The following SHMT1 variants were observed in gnomAD, a reference collection of about 807,000 sequenced individuals.
The protein encoded by SHMT1 is serine hydroxymethyltransferase, cytosolic.
Under a neutral mutation model 49.0 loss-of-function variants are expected in SHMT1, and 45 were observed. That is an observed-to-expected ratio of 0.92 (90% CI 0.72 to 1.18). The LOEUF is 1.18. SHMT1 is among the 50% of genes most tolerant of loss of function. The probability of loss-of-function intolerance (pLI) is 0.00; values close to 1 mark genes in which losing one functional copy is unlikely to be tolerated. For missense variants in SHMT1, 541 were observed against 612.4 expected, an observed-to-expected ratio of 0.88 and a Z score of 1.23; for synonymous variants, 232 against 246.6, an observed-to-expected ratio of 0.94 and a Z score of 0.55.
chr17:18,333,789 T>C (rs1327927364), intron 8 of SHMT1, among the ~76,000 whole-genome samples: 4 of 151,954 alleles, frequency 2.6e-5, no homozygotes, highest in African/African-American at 7.3e-5. Flanking sequence ...TTTATTTTTA[T>C]ATTTTTTGAG....
intron 3 of SHMT1, among the ~76,000 whole-genome samples, chr17:18,353,277 A>C (rs1284048621): frequency 2.0e-5 from 3 of 152,220 alleles, no homozygotes; most frequent in Non-Finnish European, 4.4e-5. Flanking sequence ...TCAGTAATCC[A>C]GATTCAGCCT....
intron 1 of SHMT1, among the ~76,000 whole-genome samples, chr17:18,356,406 G>A (rs1042458288): frequency 6.6e-6 from 1 of 152,090 alleles, no homozygotes; most frequent in African/African-American, 2.4e-5. Flanking sequence ...CGTGATCTTG[G>A]CTCACTGCAA....
rs536114319 is a variant in SHMT1 at position 18,329,856 on chromosome 17, TTTTTTG to T, written c.1172-474_1172-469del. On this transcript the variant is annotated intron_variant, in intron 10 of 11. Coordinates refer to ENST00000316694, the MANE Select transcript of SHMT1 (RefSeq NM_004169.5). ...AGGTATGGTCCCTGCCCCCGCTCCA[TTTTTTG>T]TTTTTGTTTTTGTTTTTTTGAGACG... Among the ~76,000 whole-genome samples, 303 of 152,120 alleles carry T rather than the reference TTTTTTG, an allele frequency of 2.0e-3. 1 individual carries two copies. Among genetic ancestry groups the T allele is most frequent in the Middle Eastern group, 6.8e-3 (2 of 294 alleles).
chr17:18,330,747 G>A, intron 9 of SHMT1, 76 bp from the exon 10 acceptor site: 1 of 1,060,554 alleles, frequency 9.4e-7, no homozygotes, highest in Non-Finnish European at 1.5e-6. Context: ...ACGAAGGCGA[G>A]GATGAAGGCA....
In SHMT1 at chr17:18,327,969, G is replaced by C. The variant is rs1982745622; in HGVS notation, c.*781C>G. The C allele has an allele frequency of 1.3e-5, 2 of 152,574 alleles. No homozygotes were observed. Among genetic ancestry groups the C allele is most frequent in the South Asian group, 4.1e-4 (2 of 4,830 alleles). The allele number at this position is 152,574 out of a possible 1,614,324, so 9.5% of individuals were successfully genotyped here. A position where few individuals can be genotyped will look rare whatever the true frequency, so the allele number is the denominator to read the frequency against. On this transcript the variant is annotated 3_prime_UTR_variant, in exon 12 of 12. Transcript: ENST00000316694. The stretch of plus-strand genomic sequence containing the variant: ...GCTATAATTCTTGTAGACATTCTGT[G>C]GTTAAAAATTTGATTGTGCTTATTA...
chr17:18,347,074 G>A (rs1023955927), intron 5 of SHMT1, among the ~76,000 whole-genome samples: 1 of 152,216 alleles, frequency 6.6e-6, no homozygotes, highest in Non-Finnish European at 1.5e-5. Flanking sequence ...TGCCATGCCT[G>A]TAGCTACTGC....
At chr17:18,356,693 A>C (rs1986273120) in intron 1 of SHMT1, among the ~76,000 whole-genome samples, 1 of 152,182 alleles carries the variant, frequency 6.6e-6, no homozygotes, top group Non-Finnish European at 1.5e-5. Context: ...TTGATAAACT[A>C]ACACTTTTTT....
At chr17:18,329,252 G>A in intron 11 of SHMT1, 26 bp downstream of exon 11, 1 of 1,494,824 alleles carries the variant, frequency 6.7e-7, no homozygotes, top group Non-Finnish European at 9.3e-7. Context: ...AATAAGATGT[G>A]GCAACTTCCA....
chr17:18,340,094 T>G lies in SHMT1; in HGVS notation c.763A>C (p.Thr255Pro). ...CGGCAGCCTCGCAGGGTCTTGTGAG[T>G]GGTGGTGGTCACCACATGGCAGTGT... ...FEHCHVVTTT[T>P]HKTLRGCRAG... Residue 255 changes from threonine to proline, a missense_variant, in exon 7 of 12, where the codon ACT (threonine) becomes CCT (proline). Transcript: ENST00000316694. This position sits in a 1 kb window ranked among gnomAD's most constrained non-coding sequence, Gnocchi z 4.5. 1 of 1,613,978 alleles carries G rather than the reference T, an allele frequency of 6.2e-7. No homozygotes were observed. The highest frequency in any genetic ancestry group is 8.5e-7 in the Non-Finnish European group (1 of 1,179,994).
At chr17:18,334,103 T>TA (rs1983537117) in intron 8 of SHMT1, among the ~76,000 whole-genome samples, 2 of 152,064 alleles carry the variant, frequency 1.3e-5, no homozygotes, top group South Asian at 4.1e-4. Context: ...CACATCCAGC[T>TA]AATTTTTGTA....
rs750519537 is a variant in SHMT1, at chr17:18,340,299, G to A, written c.602-44C>T. ...CACAGCTGCATCAGAGATGTCCACC[G>A]GCCAGCTGAGTTGGCTTCACAGTGG... On this transcript the variant is annotated intron_variant, in intron 6 of 11. Coordinates refer to ENST00000316694, the MANE Select transcript of SHMT1 (RefSeq NM_004169.5). This position sits in a 1 kb window ranked among gnomAD's most constrained non-coding sequence, Gnocchi z 4.5. 41 of 1,598,368 alleles carry A rather than the reference G, an allele frequency of 2.6e-5. No homozygotes were observed. Among genetic ancestry groups the A allele is most frequent in the East Asian group, 1.3e-4 (6 of 44,820 alleles).
rs1982744659 is a variant in SHMT1 at position 18,327,961 on chromosome 17, C to A, written c.*789G>T. 1 of 152,530 alleles carries A rather than the reference C, an allele frequency of 6.6e-6. No individual in the cohort carries two copies. 9.4% of individuals were successfully genotyped at this position (152,530 alleles called of 1,614,324 possible). ...TTTTTAAAGCTATAATTCTTGTAGA[C>A]ATTCTGTGGTTAAAAATTTGATTGT... is the stretch of plus-strand genomic sequence containing the variant. On this transcript the variant is annotated 3_prime_UTR_variant, in exon 12 of 12. Coordinates refer to ENST00000316694, the MANE Select transcript of SHMT1 (RefSeq NM_004169.5).
rs1567765011 is a variant in SHMT1, at chr17:18,328,888, G to A, written c.1314C>T (p.Asp438=). 19 of 1,613,924 alleles carry A rather than the reference G, an allele frequency of 1.2e-5. No individual in the cohort carries two copies. Among genetic ancestry groups the A allele is most frequent in the Non-Finnish European group, 1.5e-5 (18 of 1,180,006 alleles). The change falls in exon 12 of 12, where the codon GAC becomes GAT. Residue 438 remains aspartate (D), a synonymous_variant. Transcript: ENST00000316694. ...GIELTLQIQS[D]TGVRATLKEF... Reference sequence around the variant, plus strand: ...CTTTCAGGGTGGCTCTGACACCAGTGTCGCTCTGGATCTGCAGGGTCAGCT... The same window carrying A: ...CTTTCAGGGTGGCTCTGACACCAGTATCGCTCTGGATCTGCAGGGTCAGCT...
chr17:18,330,616 A>G lies in SHMT1; in HGVS notation c.1110T>C (p.Gly370=). Residue 370 remains glycine, a synonymous_variant, in exon 10 of 12, where the codon GGT becomes GGC. Transcript: ENST00000316694. ...LVDLRSKGTD[G]GRAEKVLEAC... ...CTTCTAGCACCTTCTCAGCCCTTCC[A>G]CCATCTGTGCCTTTGGAACGGAGAT... 6.2e-7 allele frequency: 1 copy of G among 1,614,076 alleles called. No individual in the cohort carries two copies. Among genetic ancestry groups the G allele is most frequent in the East Asian group, 2.2e-5 (1 of 44,872 alleles).
At chr17:18,359,270 G>T (rs11867855) in intron 1 of SHMT1, among the ~76,000 whole-genome samples, 33,071 of 151,606 alleles carry the variant, frequency 0.22, 3,781 homozygotes, top group East Asian at 0.3. Flanking sequence ...CTGGTATGGT[G>T]GCTTATGCCT....
intron 1 of SHMT1, among the ~76,000 whole-genome samples, chr17:18,361,317 A>AAC (rs1555589400): frequency 2.7e-5 from 4 of 145,946 alleles, no homozygotes; most frequent in Non-Finnish European, 6.1e-5. Flanking sequence ...AAAAAAAAAC[A>AAC]AAAACAAAAA....
rs1015457378 is a variant in SHMT1, at chr17:18,347,794, C to G, written c.359-138G>C. 4 of 866,484 alleles carry G rather than the reference C, an allele frequency of 4.6e-6. No individual in the cohort carries two copies. In the African/African-American group the frequency reaches 6.6e-5, roughly 14 times the overall value. The allele number at this position is 866,484 out of a possible 1,614,324, so 53.7% of individuals were successfully genotyped here. A position where few individuals can be genotyped will look rare whatever the true frequency, so the allele number is the denominator to read the frequency against. On this transcript the variant is annotated intron_variant, in intron 4 of 11. Coordinates refer to ENST00000316694, the MANE Select transcript of SHMT1 (RefSeq NM_004169.5). ...CCTTCCCTGAGCTCCAGGAGGTGCCCCTTCACCACCAGCCTTGAGAGGTGA... is the reference window on the plus strand; with the variant it reads ...CCTTCCCTGAGCTCCAGGAGGTGCCGCTTCACCACCAGCCTTGAGAGGTGA...
rs1295938121 is a variant in SHMT1 at position 18,327,886 on chromosome 17, ATTAAT to A, written c.*859_*863del. 2.0e-5 allele frequency: 3 copies of A among 152,732 alleles called. No individual in the cohort carries two copies. Among genetic ancestry groups the A allele is most frequent in the African/African-American group, 7.2e-5 (3 of 41,566 alleles). 9.5% of individuals were successfully genotyped at this position (152,732 alleles called of 1,614,324 possible). ...GTATGAGAAGTGTACTTTTTAAGAAATTAATTTATTTGAGTTCAAATATTTTTGAA... is the reference window on the plus strand; with the variant it reads ...GTATGAGAAGTGTACTTTTTAAGAAATTATTTGAGTTCAAATATTTTTGAA... On this transcript the variant is annotated 3_prime_UTR_variant, in exon 12 of 12. Coordinates refer to ENST00000316694, the MANE Select transcript of SHMT1 (RefSeq NM_004169.5).
In SHMT1 at chr17:18,352,207, G is replaced by A. The variant is rs549940711; in HGVS notation, c.242+1465C>T. ...ATCGCCCAGGCTAGAGTGCAGTGGC[G>A]CGATCTCGGCTCACTGCAAGCTCTG... On this transcript the variant is annotated intron_variant, in intron 3 of 11. Transcript: ENST00000316694. Among the ~76,000 whole-genome samples the A allele has an allele frequency of 3.4e-5, 5 of 146,668 alleles. No individual in the cohort carries two copies. In the East Asian group the frequency reaches 6.0e-4, roughly 18 times the overall value.
Sources: gnomAD v4.1 joint callset for allele counts (sites outside exome capture counted in the v4.1 genomes callset) on GRCh38, gnomAD v4.1.1 for gene constraint, Gnocchi (gnomAD v3.1) non-coding constraint, MANE v1.5 for transcripts, NCBI Gene and HGNC (gene_info 2026-07-23, HGNC 2026-07-21) for gene names.